CLVS1: variants seen among roughly 807,000 people sequenced by gnomAD.
The protein encoded by CLVS1 is clavesin-1.
Under a neutral mutation model 33.1 loss-of-function variants are expected in CLVS1, and 10 were observed. That is an observed-to-expected ratio of 0.30 (90% confidence interval 0.19 to 0.51). The LOEUF is 0.51. CLVS1 is among the 20% of genes least tolerant of loss of function. The pLI is 0.97. For missense variants in CLVS1, 343 were observed against 433.4 expected (o/e 0.79, Z 1.85); for synonymous variants, 163 against 166.1 (o/e 0.98, Z 0.14).
At chr8:61,001,944 T>C in the CLVS1 span, among the ~76,000 whole-genome samples, 1 of 152,180 alleles carries the variant, frequency 6.6e-6, no homozygotes, top group Non-Finnish European at 1.5e-5. Flanking sequence ...CTCCTTTCTT[T>C]TGAACCCTCT....
chr8:60,984,370 G>A, the CLVS1 span, among the ~76,000 whole-genome samples: 1 of 150,324 alleles, frequency 6.7e-6, no homozygotes, highest in African/African-American at 2.5e-5. Flanking sequence ...ACCCAGGCTG[G>A]AGTGCAATGG....
chr8:61,119,027 C>G (rs1226556990), intron 1 of CLVS1, among the ~76,000 whole-genome samples: 1 of 152,128 alleles, frequency 6.6e-6, no homozygotes, highest in African/African-American at 2.4e-5. Context: ...GCAGATCACT[C>G]AGGACTTGCT....
At chr8:61,095,586 T>TCTA (rs1805338625) in intron 1 of CLVS1, among the ~76,000 whole-genome samples, 1 of 152,184 alleles carries the variant, frequency 6.6e-6, no homozygotes, top group Admixed American at 6.5e-5. Flanking sequence ...TTGATCCTGA[T>TCTA]CTACTGGTTG....
rs1039187544 is a variant in CLVS1 at position 61,501,205 on chromosome 8, G to C, written c.*1663G>C. On this transcript the variant is annotated 3_prime_UTR_variant, in exon 6 of 6. Coordinates refer to ENST00000325897, the MANE Select transcript of CLVS1 (RefSeq NM_173519.3). ...TTTCTTATGTACCAAGACATAGATA[G>C]GTAAGAGAAATAAAGAATTGAAGTG... 6.8e-6 allele frequency: 1 copy of C among 146,888 alleles called. No homozygotes were observed. Among genetic ancestry groups the C allele is most frequent in the African/African-American group, 2.4e-5 (1 of 41,070 alleles). The allele number at this position is 146,888 out of a possible 1,614,324, so 9.1% of individuals were successfully genotyped here.
At chr8:61,337,157 C>A (rs909922889) in intron 2 of CLVS1, among the ~76,000 whole-genome samples, 4 of 152,146 alleles carry the variant, frequency 2.6e-5, no homozygotes, top group Non-Finnish European at 5.9e-5. Flanking sequence ...CTGTCTACAC[C>A]AATCCTTTTT....
intron 2 of CLVS1, among the ~76,000 whole-genome samples, chr8:61,204,757 T>C (rs1264774857): frequency 6.6e-6 from 1 of 152,244 alleles, no homozygotes; most frequent in Non-Finnish European, 1.5e-5. Flanking sequence ...GTTATTCCAC[T>C]AATAGATCAC....
intron 2 of CLVS1, among the ~76,000 whole-genome samples, chr8:61,374,484 A>G (rs1286076345): frequency 6.6e-6 from 1 of 152,180 alleles, no homozygotes; most frequent in Non-Finnish European, 1.5e-5. Flanking sequence ...GCCTAAATTC[A>G]TAATCTTTGC....
At chr8:60,977,937 A>G in the CLVS1 span, among the ~76,000 whole-genome samples, 1 of 152,248 alleles carries the variant, frequency 6.6e-6, no homozygotes, top group Non-Finnish European at 1.5e-5. Flanking sequence ...TGTTCTGTAC[A>G]AGGAATTTGC....
intron 2 of CLVS1, among the ~76,000 whole-genome samples, chr8:61,364,942 A>G (rs973725767): frequency 6.6e-6 from 1 of 152,228 alleles, no homozygotes; most frequent in Non-Finnish European, 1.5e-5. Context: ...CTAATTCACT[A>G]TTTAATTCAA....
intron 2 of CLVS1, among the ~76,000 whole-genome samples, chr8:61,250,534 T>C (rs909387082): frequency 6.6e-6 from 1 of 152,236 alleles, no homozygotes; most frequent in Non-Finnish European, 1.5e-5. Flanking sequence ...TGATATTGGT[T>C]CTTCTCATCC....
chr8:61,416,935 C>T (rs1000351068), intron 3 of CLVS1, among the ~76,000 whole-genome samples: 1 of 152,124 alleles, frequency 6.6e-6, no homozygotes, highest in Non-Finnish European at 1.5e-5. Flanking sequence ...GGGATTTGGC[C>T]AAGGCAGCGT....
At chr8:61,413,793 C>T (rs761505203) in intron 3 of CLVS1, among the ~76,000 whole-genome samples, 4 of 152,192 alleles carry the variant, frequency 2.6e-5, no homozygotes, top group Non-Finnish European at 5.9e-5. Context: ...CTTGGACTAA[C>T]ATTCAGGTGT....
intron 2 of CLVS1, among the ~76,000 whole-genome samples, chr8:61,312,421 C>T (rs1247609770): frequency 6.6e-6 from 1 of 152,186 alleles, no homozygotes; most frequent in Admixed American, 6.5e-5. Context: ...CAAAATATAA[C>T]GTCAGATAAG....
Position 61,181,289 on chromosome 8 carries a change from G to C in CLVS1, c.-152+49429G>C, listed in dbSNP as rs150167274. Among the ~76,000 whole-genome samples, 488 of 152,030 alleles carry C rather than the reference G, an allele frequency of 3.2e-3. 2 individuals carry two copies. The highest frequency in any genetic ancestry group is 0.011 in the African/African-American group (451 of 41,466). On this transcript the variant is annotated intron_variant, in intron 2 of 2. Transcript: ENST00000522621. ...ATACAGCTAACAAGGGACATAAAAGGCCTCTTCAAGAACTACAAACCACTG... is the reference window on the plus strand; with the variant it reads ...ATACAGCTAACAAGGGACATAAAAGCCCTCTTCAAGAACTACAAACCACTG...
intron 2 of CLVS1, among the ~76,000 whole-genome samples, chr8:61,228,632 A>C (rs1808375797): frequency 6.6e-6 from 1 of 152,194 alleles, no homozygotes; most frequent in Non-Finnish European, 1.5e-5. Flanking sequence ...CCACATGTAA[A>C]TGAGATCACA....
intron 2 of CLVS1, among the ~76,000 whole-genome samples, chr8:61,232,041 T>TTTTTTTTTTTTTTTTTGTTTTGTTTTG (rs1554548394): frequency 8.6e-6 from 1 of 116,004 alleles, no homozygotes; most frequent in Non-Finnish European, 1.6e-5. Flanking sequence ...TTTTTTTTTT[T>TTTTTTTTTTTTTTTTTGTTTTGTTTTG]TTTTTTTTTG....
At chr8:61,092,384 C>T (rs1038894649) in intron 1 of CLVS1, among the ~76,000 whole-genome samples, 3 of 152,150 alleles carry the variant, frequency 2.0e-5, no homozygotes, top group Non-Finnish European at 4.4e-5. Context: ...CTTGAAGCCT[C>T]ATAGGAAGAG....
At chr8:61,244,098 G>A (rs1353373015) in intron 2 of CLVS1, among the ~76,000 whole-genome samples, 2 of 152,126 alleles carry the variant, frequency 1.3e-5, no homozygotes, top group Non-Finnish European at 2.9e-5. Context: ...AGCTGAGGTC[G>A]AACCAAATGA....
chr8:61,349,586 T>C (rs1420984396), intron 2 of CLVS1, among the ~76,000 whole-genome samples: 1 of 152,124 alleles, frequency 6.6e-6, no homozygotes, highest in Non-Finnish European at 1.5e-5. Flanking sequence ...TTTTTGTTTT[T>C]GTTTTTTAGG....
Sources: gnomAD v4.1 joint callset for allele counts (sites outside exome capture counted in the v4.1 genomes callset) on GRCh38, gnomAD v4.1.1 for gene constraint, MANE v1.5 for transcripts, NCBI Gene and HGNC (gene_info 2026-07-23, HGNC 2026-07-21) for gene names.